MEOX2: variants seen among roughly 807,000 people sequenced by gnomAD.
MEOX2 encodes mesenchyme homeobox 2.
In MEOX2, 11 loss-of-function variants were observed where a neutral mutation model predicts 27.0. The observed-to-expected ratio is 0.41, with a 90% CI of 0.26 to 0.68. MEOX2 has a LOEUF of 0.68. Among genes scored for constraint, MEOX2 ranks in the 30% least tolerant of loss-of-function variants. The pLI, the probability that MEOX2 is intolerant of heterozygous loss-of-function variation, is 0.33. For missense variants in MEOX2, 436 were observed against 385.4 expected, an observed-to-expected ratio of 1.13 and a Z score of -1.10; for synonymous variants, 189 against 155.4, an observed-to-expected ratio of 1.22 and a Z score of -1.61.
At chr7:15,657,489 G>A (rs1211820085) in intron 1 of MEOX2, among the ~76,000 whole-genome samples, 1 of 151,942 alleles carries the variant, frequency 6.6e-6, no homozygotes, top group East Asian at 1.9e-4. Context: ...CATCCATTGA[G>A]ATTTTATTTT....
chr7:15,686,209 T>C lies in MEOX2; in HGVS notation c.194A>G (p.His65Arg). 1 of 1,609,524 alleles carries C rather than the reference T, an allele frequency of 6.2e-7. No homozygotes were observed. Among genetic ancestry groups the C allele is most frequent in the Non-Finnish European group, 8.5e-7 (1 of 1,177,742 alleles). The part of the protein sequence containing the change: ...NEEGMFASQH[H>R]RGHHHHHHHH... ...GTGGTGGTGGTGGTGGTGCCCCCTG[T>C]GATGCTGGCTGGCAAACATGCCCTC... The change falls in exon 1 of 3, where the codon CAC becomes CGC. Residue 65 changes from histidine to arginine, a missense_variant. Transcript: ENST00000262041.
chr7:15,621,843 G>C (rs1357370694), intron 2 of MEOX2, among the ~76,000 whole-genome samples: 1 of 152,148 alleles, frequency 6.6e-6, no homozygotes, highest in Admixed American at 6.5e-5. Flanking sequence ...TACAGGCCAG[G>C]TGCCATGGCT....
chr7:15,679,508 T>C (rs1782258755), intron 1 of MEOX2: 1 of 152,098 alleles, frequency 6.6e-6, no homozygotes, highest in African/African-American at 2.4e-5. Context: ...TCACATTGAA[T>C]TGATTCTACA....
chr7:15,633,743 C>A (rs1781438889), intron 1 of MEOX2, among the ~76,000 whole-genome samples: 1 of 151,830 alleles, frequency 6.6e-6, no homozygotes, highest in Non-Finnish European at 1.5e-5. Flanking sequence ...TTGAACTTTT[C>A]ATTTATTTTC....
intron 1 of MEOX2, among the ~76,000 whole-genome samples, chr7:15,669,370 T>G (rs1423547532): frequency 6.6e-6 from 1 of 152,270 alleles, no homozygotes; most frequent in Non-Finnish European, 1.5e-5. Context: ...ATATCCTGAT[T>G]GCAATCATTA....
intron 2 of MEOX2, among the ~76,000 whole-genome samples, chr7:15,624,433 C>G (rs1562596497): frequency 6.6e-6 from 1 of 152,118 alleles, no homozygotes; most frequent in Non-Finnish European, 1.5e-5. Flanking sequence ...CGATCTTGTC[C>G]TACACTGACA....
chr7:15,632,660 G>C (rs1193682553), intron 1 of MEOX2, among the ~76,000 whole-genome samples: 1 of 151,782 alleles, frequency 6.6e-6, no homozygotes, highest in Non-Finnish European at 1.5e-5. Context: ...CAATTTACTT[G>C]CGTCAAATTT....
Position 15,643,311 on chromosome 7 carries a change from C to T in MEOX2, c.518-16393G>A, listed in dbSNP as rs1781592300. 3.9e-5 allele frequency among the ~76,000 whole-genome samples: 6 copies of T among 152,078 alleles called. No homozygotes were observed. In the South Asian group the frequency reaches 1.2e-3, roughly 31 times the overall value. On this transcript the variant is annotated intron_variant, in intron 1 of 2. Transcript: ENST00000262041. ...TGGGGGTATGTTCTGCACTCTGCTG[C>T]CAAGGTAGCTGGAGGTGGCAAAGCT...
intron 2 of MEOX2, among the ~76,000 whole-genome samples, chr7:15,617,347 T>C (rs1195545095): frequency 6.6e-6 from 1 of 152,026 alleles, no homozygotes; most frequent in Non-Finnish European, 1.5e-5. Context: ...AGGATAATTG[T>C]ACAAATAAAA....
chr7:15,628,680 C>A (rs1252908465), intron 1 of MEOX2, among the ~76,000 whole-genome samples: 2 of 152,036 alleles, frequency 1.3e-5, no homozygotes, highest in Admixed American at 1.3e-4. Flanking sequence ...CTCAGGTAGG[C>A]CATGTTTACA....
intron 1 of MEOX2, among the ~76,000 whole-genome samples, chr7:15,628,977 TA>T (rs1468648355): frequency 6.6e-6 from 1 of 152,086 alleles, no homozygotes; most frequent in Non-Finnish European, 1.5e-5. Flanking sequence ...CTGCTTTGCC[TA>T]AAATCTGTGG....
intron 1 of MEOX2, among the ~76,000 whole-genome samples, chr7:15,662,576 T>C (rs1583778922): frequency 2.0e-5 from 3 of 152,198 alleles, no homozygotes; most frequent in Non-Finnish European, 4.4e-5. Flanking sequence ...CCAGGCAATA[T>C]AATTTTTCAA....
In MEOX2 at chr7:15,684,926, C is replaced by A. The variant is rs541184444; in HGVS notation, c.517+960G>T. Among the ~76,000 whole-genome samples the A allele has an allele frequency of 3.9e-5, 6 of 152,362 alleles. No individual in the cohort carries two copies. In the East Asian group the frequency reaches 9.6e-4, roughly 24 times the overall value. Reference sequence around the variant, plus strand: ...AACTTTGAGTTTCTCTGGATTGCTACAATTTATTCGGCACGTTGTGCCTTC... The same window carrying A: ...AACTTTGAGTTTCTCTGGATTGCTAAAATTTATTCGGCACGTTGTGCCTTC... On this transcript the variant is annotated intron_variant, in intron 1 of 2. Coordinates refer to ENST00000262041, the MANE Select transcript of MEOX2 (RefSeq NM_005924.5).
At chr7:15,664,975 G>T (rs1428013192) in intron 1 of MEOX2, among the ~76,000 whole-genome samples, 2 of 151,600 alleles carry the variant, frequency 1.3e-5, no homozygotes, top group African/African-American at 4.9e-5. Context: ...GGACTTAATA[G>T]TGATTTGTTT....
At position 15,656,823 on chromosome 7, in the gene MEOX2, T is replaced by C. The variant is rs541270833; in HGVS notation, c.517+29063A>G. Among the ~76,000 whole-genome samples, 52 of 152,206 alleles carry C rather than the reference T, an allele frequency of 3.4e-4. No homozygotes were observed. The East Asian group carries it at 7.1e-3, about 21-fold the overall frequency. On this transcript the variant is annotated intron_variant, in intron 1 of 2. Transcript: ENST00000262041. ...TTTGATGTTCTAAGATTACTTCCTT[T>C]ATCATTTCTTTTTTGTCCAAAAAAA...
intron 1 of MEOX2, among the ~76,000 whole-genome samples, chr7:15,661,041 A>AAAAAAAG (rs1562609451): frequency 1.4e-5 from 2 of 146,724 alleles, no homozygotes; most frequent in African/African-American, 5.2e-5. Context: ...AAAAAAAAAA[A>AAAAAAAG]GAGAAAGAGA....
chr7:15,634,462 A>G (rs1422304354), intron 1 of MEOX2, among the ~76,000 whole-genome samples: 4 of 152,110 alleles, frequency 2.6e-5, no homozygotes, highest in African/African-American at 9.6e-5. Context: ...GTATGTTACA[A>G]ATATTACACA....
intron 1 of MEOX2, among the ~76,000 whole-genome samples, chr7:15,659,322 T>C (rs941573838): frequency 6.6e-6 from 1 of 152,206 alleles, no homozygotes; most frequent in African/African-American, 2.4e-5. Flanking sequence ...TTTTCATATA[T>C]TTATATGTAA....
intron 1 of MEOX2, among the ~76,000 whole-genome samples, chr7:15,628,465 C>G (rs1781350319): frequency 6.6e-6 from 1 of 152,246 alleles, no homozygotes; most frequent in South Asian, 2.1e-4. Context: ...CACTGGTGCA[C>G]TGGCACTATC....
Sources: allele counts gnomAD v4.1 joint callset (sites outside exome capture counted in the v4.1 genomes callset), GRCh38; gene constraint gnomAD v4.1.1; transcripts MANE v1.5; gene names NCBI Gene and HGNC (gene_info 2026-07-23, HGNC 2026-07-21).